The following AGPAT5 variants were observed in gnomAD, a reference collection of about 807,000 sequenced individuals.
AGPAT5 encodes 1-acyl-sn-glycerol-3-phosphate acyltransferase epsilon.
Under a neutral mutation model 45.6 loss-of-function variants are expected in AGPAT5, and 46 were observed. The observed-to-expected ratio is 1.01, with a 90% CI of 0.80 to 1.29. The LOEUF is 1.29. Among genes scored for constraint, AGPAT5 ranks in the 50% most tolerant of loss-of-function variants. AGPAT5 has a pLI of 0.00. For synonymous variants in AGPAT5, 272 were observed against 167.0 expected, an observed-to-expected ratio of 1.63 and a Z score of -4.85; for missense variants, 673 against 450.7, an observed-to-expected ratio of 1.49 and a Z score of -4.47.
intron 4 of AGPAT5, among the ~76,000 whole-genome samples, 174 bp downstream of exon 4, chr8:6,732,824 C>A (rs572993833): frequency 6.6e-6 from 1 of 152,244 alleles, no homozygotes; most frequent in East Asian, 1.9e-4. Flanking sequence ...GTTTTTCAGC[C>A]ATCAGAAAGA....
Position 6,741,681 on chromosome 8 carries a change from A to G in AGPAT5, c.516A>G (p.Pro172=), listed in dbSNP as rs145160561. The G allele has an allele frequency of 1.6e-4, 260 of 1,606,136 alleles. 1 individual carries two copies. The highest frequency in any genetic ancestry group is 2.0e-4 in the Non-Finnish European group (240 of 1,176,978). ...CACAGATGTATCTTGTGATTTTTCC[A>G]GAAGGTACAAGGTATAATCCAGAGC... ...AGTPMYLVIF[P]EGTRYNPEQT... is the part of the protein sequence containing the mutation. Residue 172 remains proline, a synonymous_variant, in exon 5 of 8, where the codon CCA becomes CCG. Transcript: ENST00000285518.
chr8:6,709,197 C>T (rs1800050295), intron 1 of AGPAT5: 4 of 430,430 alleles, frequency 9.3e-6, no homozygotes, highest in South Asian at 6.4e-5. Context: ...TAATAGGGCA[C>T]GCGTTTAGCA....
chr8:6,714,053 A>G (rs1297470639), intron 1 of AGPAT5, among the ~76,000 whole-genome samples: 1 of 152,224 alleles, frequency 6.6e-6, no homozygotes, highest in Non-Finnish European at 1.5e-5. Flanking sequence ...AAGGGAGCTT[A>G]TAAGTCATCT....
chr8:6,740,338 G>A (rs1410294141), intron 4 of AGPAT5, among the ~76,000 whole-genome samples: 1 of 151,798 alleles, frequency 6.6e-6, no homozygotes, highest in African/African-American at 2.4e-5. Context: ...TAGCTTTAAT[G>A]TTTGTCTTCC....
chr8:6,751,762 T>C (rs916599928), intron 6 of AGPAT5, among the ~76,000 whole-genome samples: 15 of 152,244 alleles, frequency 9.9e-5, no homozygotes, highest in African/African-American at 3.4e-4. Context: ...TAATAAATTG[T>C]GTGCTTAAGG....
chr8:6,715,679 C>T (rs927825016), intron 1 of AGPAT5, among the ~76,000 whole-genome samples: 1 of 152,118 alleles, frequency 6.6e-6, no homozygotes, highest in Admixed American at 6.5e-5. Context: ...ATGAGACCCC[C>T]TACTTTCAAG....
At chr8:6,746,961 GT>G (rs1258118331) in intron 5 of AGPAT5, among the ~76,000 whole-genome samples, 1 of 152,194 alleles carries the variant, frequency 6.6e-6, no homozygotes, top group African/African-American at 2.4e-5. Context: ...AATTGCAGTA[GT>G]CCCCCAGCTA....
intron 4 of AGPAT5, among the ~76,000 whole-genome samples, chr8:6,739,944 G>C (rs993021048): frequency 1.3e-5 from 2 of 151,578 alleles, no homozygotes; most frequent in African/African-American, 4.8e-5. Flanking sequence ...CTTTTTCTTT[G>C]CAATCATATC....
chr8:6,760,419 T>C lies in AGPAT5; in HGVS notation c.*3031T>C, dbSNP rs1002972462. Among the ~76,000 whole-genome samples, 8 of 151,934 alleles carry C rather than the reference T, an allele frequency of 5.3e-5. No homozygotes were observed. Among genetic ancestry groups the C allele is most frequent in the African/African-American group, 9.7e-5 (4 of 41,346 alleles). ...ACTCTTAGAAAATGAAAAGGAAATA[T>C]AGAAATATAAAATTTGCTTATTATA... On this transcript the variant is annotated 3_prime_UTR_variant, in exon 8 of 8. Transcript: ENST00000285518.
intron 6 of AGPAT5, among the ~76,000 whole-genome samples, chr8:6,748,568 A>T (rs564765754): frequency 7.2e-5 from 11 of 152,166 alleles, no homozygotes; most frequent in African/African-American, 2.4e-4. Flanking sequence ...GCAGTGGCGC[A>T]ATCTTGGCTC....
At chr8:6,727,364 T>A (rs2911976) in intron 2 of AGPAT5, among the ~76,000 whole-genome samples, 2 of 152,004 alleles carry the variant, frequency 1.3e-5, no homozygotes, top group Admixed American at 6.5e-5. Flanking sequence ...ATCCTTCAAC[T>A]ATCTACTTTT....
At chr8:6,728,595 G>T (rs532662631) in intron 2 of AGPAT5, among the ~76,000 whole-genome samples, 80 of 152,218 alleles carry the variant, frequency 5.3e-4, no homozygotes, top group Non-Finnish European at 5.3e-4. Context: ...AAAACCATTT[G>T]TTTTAAAATA....
chr8:6,708,954 T>C (rs759102557), intron 1 of AGPAT5, 67 bp downstream of exon 1: 9 of 1,458,382 alleles, frequency 6.2e-6, no homozygotes, highest in Non-Finnish European at 8.4e-6. Flanking sequence ...ACCTCTCCGC[T>C]CCCCCACAGC....
chr8:6,735,334 A>G (rs1801013642), intron 4 of AGPAT5, among the ~76,000 whole-genome samples: 1 of 152,146 alleles, frequency 6.6e-6, no homozygotes, highest in African/African-American at 2.4e-5. Context: ...CCACAAGCCT[A>G]CATCCAGTCT....
chr8:6,755,103 CA>C lies in AGPAT5; in HGVS notation c.804del (p.Asp269MetfsTer9). On this transcript the variant is annotated frameshift_variant, in exon 7 of 8. Coordinates refer to ENST00000285518, the MANE Select transcript of AGPAT5 (RefSeq NM_018361.5). LOFTEE classifies it high-confidence loss of function. ...KIHIHIDRIDKKDVPEEQEHM... is the reference protein window; with the variant it reads ...KIHIHIDRIDXKDVPEEQEHM... Reference sequence around the variant, plus strand: ...TTCATATTCACATTGATCGTATCGACAAAAAAGATGTCCCAGAAGAACAAGA... The same window carrying C: ...TTCATATTCACATTGATCGTATCGACAAAAAGATGTCCCAGAAGAACAAGA... The C allele has an allele frequency of 6.2e-7, 1 of 1,606,600 alleles. No individual in the cohort carries two copies. The highest frequency in any genetic ancestry group is 1.1e-5 in the South Asian group (1 of 88,762).
At chr8:6,740,897 AT>A (rs1801225138) in intron 4 of AGPAT5, among the ~76,000 whole-genome samples, 1 of 152,006 alleles carries the variant, frequency 6.6e-6, no homozygotes, top group Non-Finnish European at 1.5e-5. Flanking sequence ...TGCATAACTT[AT>A]TTTTGTCTTT....
chr8:6,760,631 G>C lies in AGPAT5; in HGVS notation c.*3243G>C, dbSNP rs1259115571. The stretch of plus-strand genomic sequence containing the variant: ...TTTCTTGGCAGATATTCCGTATCTG[G>C]TGGAAAGCTACAATGCAATGTCGTT... On this transcript the variant is annotated 3_prime_UTR_variant, in exon 8 of 8. Transcript: ENST00000285518. Among the ~76,000 whole-genome samples the C allele has an allele frequency of 1.3e-5, 2 of 152,170 alleles. No individual in the cohort carries two copies. The highest frequency in any genetic ancestry group is 2.4e-5 in the African/African-American group (1 of 41,444).
intron 4 of AGPAT5, among the ~76,000 whole-genome samples, chr8:6,738,044 A>G (rs967869053): frequency 6.6e-6 from 1 of 152,222 alleles, no homozygotes; most frequent in African/African-American, 2.4e-5. Context: ...CCATATCAGC[A>G]ATAAGGCTGT....
At chr8:6,724,434 C>T (rs1176945602) in intron 1 of AGPAT5, among the ~76,000 whole-genome samples, 1 of 152,018 alleles carries the variant, frequency 6.6e-6, no homozygotes, top group Non-Finnish European at 1.5e-5. Context: ...CCTTTAGTGT[C>T]CTGAAAAAAG....
Sources: allele counts gnomAD v4.1 joint callset (sites outside exome capture counted in the v4.1 genomes callset), GRCh38; gene constraint gnomAD v4.1.1; transcripts MANE v1.5; gene names NCBI Gene and HGNC (gene_info 2026-07-23, HGNC 2026-07-21).